Variants in DMD observed in about 807,000 individuals in gnomAD.
The protein encoded by DMD is dystrophin, also known as mutant dystrophin.
Under a neutral mutation model 330.1 loss-of-function variants are expected in DMD, and 63 were observed. The ratio of observed to expected loss-of-function variants is 0.19; its 90% CI spans 0.16 to 0.24. The LOEUF is 0.24. Ranked by LOEUF, DMD falls within the 10% of genes least tolerant of loss-of-function variation. The pLI, the probability that DMD is intolerant of heterozygous loss-of-function variation, is 1.00. For synonymous variants in DMD, 1,223 were observed against 959.8 expected (o/e 1.27, Z -5.07); for missense variants, 3,344 against 2,684.1 (o/e 1.25, Z -5.43).
chrX:31,697,846 C>A (rs1286217646), intron 52 of DMD, among the ~76,000 whole-genome samples: 1 of 111,807 alleles, frequency 8.9e-6, no homozygotes, highest in Non-Finnish European at 1.9e-5. Context: ...CTTTGACTAG[C>A]AGTTAGTCTT....
At chrX:31,936,109 A>G (rs2094921568) in intron 45 of DMD, among the ~76,000 whole-genome samples, 1 of 111,239 alleles carries the variant, frequency 9.0e-6, no homozygotes, top group Non-Finnish European at 1.9e-5. Flanking sequence ...AGATCCTAGT[A>G]ATAAGATATA....
intron 55 of DMD, among the ~76,000 whole-genome samples, chrX:31,530,861 T>C (rs1246618212): frequency 2.1e-5 from 1 of 47,634 alleles, no homozygotes; most frequent in Non-Finnish European, 3.6e-5. Flanking sequence ...GAGTGTGATA[T>C]TCCCCTTCCT....
chrX:32,216,894 A>G (rs1181540709), intron 44 of DMD, 22 bp downstream of exon 44: 1 of 1,199,269 alleles, frequency 8.3e-7, no homozygotes, highest in Non-Finnish European at 1.1e-6. Context: ...TACAATTTCG[A>G]AAAAACAAAT....
intron 1 of DMD, among the ~76,000 whole-genome samples, chrX:33,331,203 C>T (rs763171180): frequency 1.8e-5 from 2 of 111,684 alleles, no homozygotes; most frequent in Non-Finnish European, 3.8e-5. Context: ...GCCACTGTGG[C>T]CACCAAAACC....
At chrX:32,273,400 C>G (rs1487005990) in intron 43 of DMD, among the ~76,000 whole-genome samples, 1 of 109,777 alleles carries the variant, frequency 9.1e-6, no homozygotes, top group Non-Finnish European at 1.9e-5. Context: ...GAGACCAGCC[C>G]CAGCAACACT....
intron 2 of DMD, among the ~76,000 whole-genome samples, chrX:32,966,889 G>C (rs1049827397): frequency 1.8e-5 from 2 of 112,156 alleles, no homozygotes; most frequent in Non-Finnish European, 3.8e-5. Context: ...AGAAAACACT[G>C]AAGAGTGGCC....
At chrX:31,981,390 C>G (rs1400421304) in intron 44 of DMD, among the ~76,000 whole-genome samples, 2 of 111,617 alleles carry the variant, frequency 1.8e-5, no homozygotes, top group African/African-American at 6.5e-5. Flanking sequence ...ATGTGTGCCA[C>G]TGTATGGACA....
At chrX:31,488,760 T>C (rs748236892) in intron 57 of DMD, among the ~76,000 whole-genome samples, 1 of 112,229 alleles carries the variant, frequency 8.9e-6, no homozygotes, top group African/African-American at 3.2e-5. Flanking sequence ...CCTCCTTTTC[T>C]GTGTCTTCAG....
intron 51 of DMD, among the ~76,000 whole-genome samples, chrX:31,744,853 C>T (rs1038245888): frequency 1.8e-5 from 2 of 112,125 alleles, no homozygotes; most frequent in Non-Finnish European, 3.8e-5. Flanking sequence ...ATGCATAACA[C>T]ATCACAGTAG....
intron 44 of DMD, among the ~76,000 whole-genome samples, chrX:32,165,280 C>G (rs2096864156): frequency 8.9e-6 from 1 of 112,546 alleles, no homozygotes; most frequent in Middle Eastern, 4.2e-3. Context: ...GAGAGGGGCT[C>G]TACCCTGCAA....
intron 1 of DMD, among the ~76,000 whole-genome samples, chrX:33,112,814 G>A (rs1053720423): frequency 7.7e-4 from 83 of 108,263 alleles, no homozygotes; most frequent in African/African-American, 2.6e-3. Flanking sequence ...TCGGCCAGGC[G>A]CGGTGGCTCG....
intron 41 of DMD, among the ~76,000 whole-genome samples, chrX:32,326,317 G>A (rs1352976538): frequency 8.9e-6 from 1 of 112,469 alleles, no homozygotes; most frequent in Admixed American, 9.4e-5. Flanking sequence ...TCGACTAAAA[G>A]ATGGAGAATA....
chrX:32,435,454 T>A (rs2098257254), intron 29 of DMD, among the ~76,000 whole-genome samples: 1 of 107,683 alleles, frequency 9.3e-6, no homozygotes, highest in African/African-American at 3.3e-5. Context: ...AGTGCCGTAT[T>A]TTATATTTTG....
At chrX:32,623,324 A>C (rs1453594963) in intron 11 of DMD, among the ~76,000 whole-genome samples, 1 of 111,322 alleles carries the variant, frequency 9.0e-6, no homozygotes, top group African/African-American at 3.3e-5. Flanking sequence ...GGAGGCACTG[A>C]TATCAGAAGG....
At chrX:32,331,678 T>C (rs765569741) in intron 41 of DMD, among the ~76,000 whole-genome samples, 1 of 111,634 alleles carries the variant, frequency 9.0e-6, no homozygotes, top group South Asian at 3.7e-4. Flanking sequence ...TATAAAATTG[T>C]ATATCTAACA....
intron 34 of DMD, among the ~76,000 whole-genome samples, chrX:32,369,756 C>G (rs2097866513): frequency 1.8e-5 from 2 of 111,016 alleles, no homozygotes; most frequent in Non-Finnish European, 1.9e-5. Context: ...TTTCCACCCC[C>G]TCTTTTTAAA....
chrX:32,326,729 AC>A (rs1342440269), intron 41 of DMD, among the ~76,000 whole-genome samples: 1 of 110,278 alleles, frequency 9.1e-6, no homozygotes, highest in African/African-American at 3.3e-5. Flanking sequence ...ACATGGTGAA[AC>A]CCTGTCTGTA....
intron 76 of DMD, among the ~76,000 whole-genome samples, chrX:31,140,599 C>T (rs2035924530): frequency 8.9e-6 from 1 of 112,035 alleles, no homozygotes; most frequent in African/African-American, 3.2e-5. Context: ...CTGTGTGTAA[C>T]ACCTTTAACA....
At chrX:32,892,389 G>A (rs901902881) in intron 2 of DMD, among the ~76,000 whole-genome samples, 26 of 108,944 alleles carry the variant, frequency 2.4e-4, no homozygotes, top group African/African-American at 6.5e-4. Flanking sequence ...GTTTGTTTTC[G>A]TTTTTTGTTT....
Sources: allele counts gnomAD v4.1 joint callset (sites outside exome capture counted in the v4.1 genomes callset), GRCh38; gene constraint gnomAD v4.1.1; transcripts MANE v1.5; gene names NCBI Gene and HGNC (gene_info 2026-07-23, HGNC 2026-07-21).